TBCD: variants seen among roughly 807,000 people sequenced by gnomAD.
TBCD encodes tubulin folding cofactor D, also known as tubulin-specific chaperone D.
TBCD carries 105 observed loss-of-function variants against 169.3 expected under a neutral mutation model. The observed-to-expected ratio is 0.62, with a 90% CI of 0.53 to 0.73. The LOEUF is 0.73. Ranked by LOEUF, TBCD falls within the 30% of genes least tolerant of loss-of-function variation. The pLI, the probability that TBCD is intolerant of heterozygous loss-of-function variation, is 0.00. For missense variants in TBCD, 1,444 were observed against 1,600.1 expected (o/e 0.90, Z 1.66); for synonymous variants, 700 against 643.9 (o/e 1.09, Z -1.32).
chr17:82,802,156 C>G (rs2050618312), intron 9 of TBCD, among the ~76,000 whole-genome samples: 2 of 106,748 alleles, frequency 1.9e-5, no homozygotes. Flanking sequence ...TTCTTGCTGG[C>G]AGAAATGATG....
At chr17:82,876,386 A>G (rs996184864) in intron 14 of TBCD, among the ~76,000 whole-genome samples, 2 of 152,206 alleles carry the variant, frequency 1.3e-5, no homozygotes, top group Non-Finnish European at 2.9e-5. Context: ...GTCTCTCTCC[A>G]GGTTCCCGGG....
At chr17:82,764,631 C>A (rs532039722) in intron 3 of TBCD, among the ~76,000 whole-genome samples, 1 of 152,284 alleles carries the variant, frequency 6.6e-6, no homozygotes, top group African/African-American at 2.4e-5. Context: ...AGTGACAGAG[C>A]GAGACTCTGT....
chr17:82,860,085 G>C (rs1008063943), intron 13 of TBCD, among the ~76,000 whole-genome samples: 1 of 152,254 alleles, frequency 6.6e-6, no homozygotes, highest in Non-Finnish European at 1.5e-5. Context: ...GAGTATGGGG[G>C]CTGGGAGTCC....
intron 2 of TBCD, among the ~76,000 whole-genome samples, chr17:82,761,335 G>A (rs1417121677): frequency 6.6e-6 from 1 of 152,086 alleles, no homozygotes; most frequent in Non-Finnish European, 1.5e-5. Flanking sequence ...CTTTATCCAC[G>A]ATTATAAATT....
chr17:82,792,083 G>C (rs1024711728), intron 7 of TBCD, among the ~76,000 whole-genome samples: 1 of 152,242 alleles, frequency 6.6e-6, no homozygotes, highest in Non-Finnish European at 1.5e-5. Context: ...GCCGAGGCGG[G>C]TGGATCACGA....
At chr17:82,795,299 AG>A (rs1188357216) in intron 7 of TBCD, among the ~76,000 whole-genome samples, 1 of 152,172 alleles carries the variant, frequency 6.6e-6, no homozygotes, top group Non-Finnish European at 1.5e-5. Context: ...GGGACATGTT[AG>A]CCCGTTGCTG....
intron 13 of TBCD, among the ~76,000 whole-genome samples, chr17:82,846,262 T>G (rs8068903): frequency 2.7e-5 from 2 of 74,020 alleles, no homozygotes; most frequent in African/African-American, 8.8e-5. Flanking sequence ...CGCTGCGTCC[T>G]CTGTGCTGTG....
intron 13 of TBCD, chr17:82,830,492 C>G (rs945752420): frequency 2.5e-6 from 4 of 1,613,440 alleles, no homozygotes; most frequent in Non-Finnish European, 3.4e-6. Context: ...GGTGGGGCCC[C>G]GTCACCGTCG....
intron 2 of TBCD, among the ~76,000 whole-genome samples, chr17:82,756,996 T>A (rs1335833570): frequency 1.3e-5 from 2 of 152,186 alleles, no homozygotes; most frequent in African/African-American, 4.8e-5. Context: ...TGGTTTCTTA[T>A]TGTTTTCTTT....
chr17:82,797,694 G>A lies in TBCD; in HGVS notation c.772-63G>A, dbSNP rs951156608. 7 of 1,210,864 alleles carry A rather than the reference G, an allele frequency of 5.8e-6. No homozygotes were observed. In the African/African-American group the frequency reaches 7.8e-5, roughly 14 times the overall value. The allele number at this position is 1,210,864 out of a possible 1,614,324, so 75.0% of individuals were successfully genotyped here. ...ATGTGATGAATTGTTTTCACAATTT[G>A]TGTGTATGTTTTAAACTTCTATTTG... On this transcript the variant is annotated intron_variant, in intron 7 of 38. Transcript: ENST00000355528.
intron 2 of TBCD, among the ~76,000 whole-genome samples, chr17:82,759,013 T>C (rs2047605919): frequency 1.3e-5 from 2 of 151,832 alleles, no homozygotes; most frequent in South Asian, 4.2e-4. Flanking sequence ...CTGAAGTTTT[T>C]TCGTGTTTGT....
intron 6 of TBCD, among the ~76,000 whole-genome samples, chr17:82,779,959 C>A (rs1442525114): frequency 1.3e-5 from 2 of 152,198 alleles, no homozygotes; most frequent in Admixed American, 6.5e-5. Context: ...GAGGGAGCGC[C>A]TGGTGCCTCC....
chr17:82,937,201 A>G, intron 34 of TBCD, 70 bp from the exon 35 acceptor site: 3 of 1,444,026 alleles, frequency 2.1e-6, no homozygotes, highest in Non-Finnish European at 2.9e-6. Context: ...ACCTTCTTTG[A>G]GACAGAAAAA....
intron 5 of TBCD, among the ~76,000 whole-genome samples, chr17:82,769,015 A>T (rs1801032399): frequency 6.6e-6 from 1 of 152,246 alleles, no homozygotes; most frequent in Non-Finnish European, 1.5e-5. Flanking sequence ...TGATGTAAAT[A>T]TTATGCATAT....
chr17:82,772,307 C>A, intron 5 of TBCD, 145 bp from the exon 6 acceptor site: 1 of 774,342 alleles, frequency 1.3e-6, no homozygotes. Context: ...TTTTTTTTTG[C>A]AGCTTTGGAC....
At chr17:82,929,666 C>A in intron 32 of TBCD, 166 bp downstream of exon 32, 1 of 946,802 alleles carries the variant, frequency 1.1e-6, no homozygotes, top group East Asian at 2.6e-5. Context: ...TTCCTCATGA[C>A]CCAGGAGGCT....
rs2048139176 is a variant in TBCD at position 82,768,523 on chromosome 17, A to G, written c.539A>G (p.Gln180Arg). Residue 180 changes from glutamine to arginine, a missense_variant, in exon 5 of 39, where the codon CAA (glutamine) becomes CGA (arginine). By Grantham distance (43) the Gln-to-Arg change is conservative (BLOSUM62 1). Coordinates refer to ENST00000355528, the MANE Select transcript of TBCD (RefSeq NM_005993.5). ...LDGNLLTQPG[Q>R]ARMSIMDRIL... ...GGGAACCTCCTCACCCAGCCTGGGC[A>G]AGCACGAATGTCCATAATGGACCGT... is the stretch of plus-strand genomic sequence containing the variant. The G allele has an allele frequency of 6.2e-7, 1 of 1,614,050 alleles. No homozygotes were observed. Among genetic ancestry groups the G allele is most frequent in the Non-Finnish European group, 8.5e-7 (1 of 1,179,902 alleles).
chr17:82,932,234 G>T, intron 33 of TBCD: 1 of 289,510 alleles, frequency 3.5e-6, no homozygotes, highest in Non-Finnish European at 6.6e-6. Context: ...TTAGACCTGG[G>T]ACGCGTCTTG....
Position 82,942,616 on chromosome 17 carries a change from C to T in TBCD, c.*153C>T, listed in dbSNP as rs2063417414. The T allele has an allele frequency of 6.2e-6, 6 of 964,962 alleles. No homozygotes were observed. Among genetic ancestry groups the T allele is most frequent in the African/African-American group, 1.6e-5 (1 of 61,410 alleles). The allele number at this position is 964,962 out of a possible 1,614,324, so 59.8% of individuals were successfully genotyped here. On this transcript the variant is annotated 3_prime_UTR_variant, in exon 39 of 39. Coordinates refer to ENST00000355528, the MANE Select transcript of TBCD (RefSeq NM_005993.5). ...CTGGCACTAGCTGACAGCTTTTCCT[C>T]TCTGCACCTGCGCTCTGGTGACTTG... is the stretch of plus-strand genomic sequence containing the variant.
Sources: allele counts gnomAD v4.1 joint callset (sites outside exome capture counted in the v4.1 genomes callset), GRCh38; gene constraint gnomAD v4.1.1; transcripts MANE v1.5; gene names NCBI Gene and HGNC (gene_info 2026-07-23, HGNC 2026-07-21).